PTPRD: variants seen among roughly 807,000 people sequenced by gnomAD.
PTPRD encodes the protein receptor-type tyrosine-protein phosphatase delta.
PTPRD carries 34 observed loss-of-function variants against 214.5 expected under a neutral mutation model. The observed-to-expected ratio is 0.16, with a 90% CI of 0.12 to 0.21. PTPRD has a LOEUF of 0.21. Ranked by LOEUF, PTPRD falls within the 10% of genes least tolerant of loss-of-function variation. PTPRD has a pLI of 1.00. For synonymous variants in PTPRD, 1,128 were observed against 845.7 expected (o/e 1.33, Z -5.79); for missense variants, 2,545 against 2,398.7 (o/e 1.06, Z -1.27).
intron 5 of PTPRD, among the ~76,000 whole-genome samples, chr9:9,811,474 G>T (rs1227570015): frequency 3.9e-5 from 6 of 152,258 alleles, no homozygotes; most frequent in Non-Finnish European, 5.9e-5. Flanking sequence ...TTGGGAGGCC[G>T]AGGTGGGCGG....
At chr9:10,498,376 G>A (rs2042721653) in intron 2 of PTPRD, among the ~76,000 whole-genome samples, 1 of 151,838 alleles carries the variant, frequency 6.6e-6, no homozygotes, top group Non-Finnish European at 1.5e-5. Flanking sequence ...CAGTATTTTT[G>A]TTTGCATACC....
chr9:10,375,747 T>A (rs1401780198), intron 2 of PTPRD, among the ~76,000 whole-genome samples: 1 of 152,002 alleles, frequency 6.6e-6, no homozygotes, highest in African/African-American at 2.4e-5. Context: ...TGATAGAATA[T>A]CTGGAAAACC....
In PTPRD at chr9:9,578,925, T is replaced by C. The variant is rs79207558; in HGVS notation, c.-286-4144A>G. ...ACATATAATGTATGTAAGATCCTGGTCTCAGTATTTTTATGTATTAATTCA... is the reference window on the plus strand; with the variant it reads ...ACATATAATGTATGTAAGATCCTGGCCTCAGTATTTTTATGTATTAATTCA... On this transcript the variant is annotated intron_variant, in intron 7 of 45. Transcript: ENST00000381196. 5.4e-3 allele frequency among the ~76,000 whole-genome samples: 824 copies of C among 152,262 alleles called. 9 individuals are homozygous for C. Among genetic ancestry groups the C allele is most frequent in the African/African-American group, 0.019 (786 of 41,566 alleles).
chr9:9,225,229 T>A (rs967243437), intron 9 of PTPRD, among the ~76,000 whole-genome samples: 9 of 152,062 alleles, frequency 5.9e-5, no homozygotes, highest in East Asian at 1.9e-4. Context: ...GAGAAAAAAA[T>A]TTTTTTAAAT....
chr9:9,167,912 T>C (rs2099907374), intron 10 of PTPRD, among the ~76,000 whole-genome samples: 1 of 152,208 alleles, frequency 6.6e-6, no homozygotes, highest in Admixed American at 6.6e-5. Flanking sequence ...GCCCACAGTC[T>C]GATCATCCTT....
intron 6 of PTPRD, among the ~76,000 whole-genome samples, chr9:9,765,842 T>G (rs913981708): frequency 5.9e-5 from 9 of 152,062 alleles, no homozygotes; most frequent in Non-Finnish European, 1.3e-4. Context: ...TTTTTTATTT[T>G]TAGTAGAGAC....
intron 11 of PTPRD, among the ~76,000 whole-genome samples, chr9:8,902,043 T>C (rs980804123): frequency 1.3e-5 from 2 of 152,206 alleles, no homozygotes; most frequent in East Asian, 1.9e-4. Context: ...CAATTGCACA[T>C]ACACACACAG....
intron 3 of PTPRD, among the ~76,000 whole-genome samples, chr9:10,241,503 C>G (rs927025910): frequency 6.6e-6 from 1 of 151,904 alleles, no homozygotes; most frequent in Admixed American, 6.6e-5. Context: ...ATGCAATGAA[C>G]TACTACTTCA....
intron 10 of PTPRD, among the ~76,000 whole-genome samples, chr9:9,055,566 G>A (rs952192089): frequency 6.6e-6 from 1 of 152,074 alleles, no homozygotes; most frequent in African/African-American, 2.4e-5. Flanking sequence ...GTAGACACAG[G>A]AGACTAGTTA....
intron 39 of PTPRD, among the ~76,000 whole-genome samples, chr9:8,368,980 C>T (rs10977007): frequency 0.13 from 19,315 of 152,058 alleles, 1,729 homozygotes; most frequent in Non-Finnish European, 0.18. Flanking sequence ...TTTTAACAAT[C>T]CTACCTTTCA....
intron 39 of PTPRD, among the ~76,000 whole-genome samples, chr9:8,348,649 G>A (rs748804672): frequency 1.8e-4 from 27 of 152,018 alleles, no homozygotes; most frequent in Non-Finnish European, 2.6e-4. Context: ...TGTTAAAACC[G>A]CAGGGCCCTC....
chr9:8,908,833 C>A (rs1010398929), intron 11 of PTPRD, among the ~76,000 whole-genome samples: 11 of 151,088 alleles, frequency 7.3e-5, no homozygotes, highest in Admixed American at 2.6e-4. Context: ...ACTCGATTAT[C>A]CAAGAATAAA....
At chr9:8,658,724 CT>C (rs949901018) in intron 12 of PTPRD, among the ~76,000 whole-genome samples, 1 of 148,678 alleles carries the variant, frequency 6.7e-6, no homozygotes, top group African/African-American at 2.5e-5. Flanking sequence ...TTTTTTTGTC[CT>C]TTTTTTGTAT....
intron 3 of PTPRD, among the ~76,000 whole-genome samples, chr9:10,163,632 A>T (rs2154291163): frequency 6.6e-6 from 1 of 151,624 alleles, no homozygotes; most frequent in Admixed American, 6.6e-5. Flanking sequence ...AAACCAACTC[A>T]GTATATTTTA....
intron 39 of PTPRD, among the ~76,000 whole-genome samples, chr9:8,366,537 A>G (rs1049693414): frequency 9.2e-5 from 14 of 152,182 alleles, no homozygotes; most frequent in Admixed American, 2.0e-4. Context: ...TCTTTGGTAA[A>G]TTTCTGTGAT....
At chr9:9,956,218 AAAGGAAATAATGTAAAAGAGATT>A (rs2093920135) in intron 4 of PTPRD, among the ~76,000 whole-genome samples, 1 of 151,590 alleles carries the variant, frequency 6.6e-6, no homozygotes, top group Non-Finnish European at 1.5e-5. Flanking sequence ...CTTTATGGGG[AAAGGAAATAATGTAAAAGAGATT>A]AAGGTGAGGT....
At chr9:8,448,474 T>A (rs956139077) in intron 34 of PTPRD, among the ~76,000 whole-genome samples, 2 of 152,184 alleles carry the variant, frequency 1.3e-5, no homozygotes, top group Non-Finnish European at 2.9e-5. Context: ...CTTAATAAAG[T>A]ACTGAGTAGG....
intron 12 of PTPRD, among the ~76,000 whole-genome samples, chr9:8,693,587 G>T (rs1047560021): frequency 1.3e-5 from 2 of 152,148 alleles, no homozygotes; most frequent in African/African-American, 4.8e-5. Flanking sequence ...TCTACGAGGG[G>T]TGTACATCAA....
In PTPRD at chr9:9,553,047, T is replaced by C. The variant is rs113823445; in HGVS notation, c.-237+21685A>G. Reference sequence around the variant, plus strand: ...TTTACATTGTGATAGTATAATAATTTATTCAATTTCTTTTTTATTAAATAT... The same window carrying C: ...TTTACATTGTGATAGTATAATAATTCATTCAATTTCTTTTTTATTAAATAT... On this transcript the variant is annotated intron_variant, in intron 8 of 45. Transcript: ENST00000381196. Among the ~76,000 whole-genome samples the C allele has an allele frequency of 5.7e-3, 867 of 152,170 alleles. 5 individuals carry two copies. The highest frequency in any genetic ancestry group is 0.014 in the Middle Eastern group (4 of 294).
Sources: allele counts gnomAD v4.1 joint callset (sites outside exome capture counted in the v4.1 genomes callset), GRCh38; gene constraint gnomAD v4.1.1; transcripts MANE v1.5; gene names NCBI Gene and HGNC (gene_info 2026-07-23, HGNC 2026-07-21).